SAMTOR: variants seen among roughly 807,000 people sequenced by gnomAD.
SAMTOR encodes UPF0532 protein C7orf60.
At chr7:112,900,926 T>A in the SAMTOR span, among the ~76,000 whole-genome samples, 39 of 152,238 alleles carry the variant, frequency 2.6e-4, no homozygotes, top group African/African-American at 8.7e-4. Context: ...AATGCAAAAC[T>A]ATAAACTGTC....
the SAMTOR span, among the ~76,000 whole-genome samples, chr7:112,898,619 A>G: frequency 7.9e-5 from 12 of 152,054 alleles, no homozygotes; most frequent in Non-Finnish European, 1.3e-4. Context: ...CCTGCTGACT[A>G]AAGTGGCCTT....
the SAMTOR span, among the ~76,000 whole-genome samples, chr7:112,865,824 A>G: frequency 2.1e-5 from 3 of 146,334 alleles, no homozygotes; most frequent in South Asian, 2.1e-4. Context: ...TCATATATAT[A>G]TATTTATCTA....
At chr7:112,841,789 C>T in the SAMTOR span, among the ~76,000 whole-genome samples, 4 of 152,114 alleles carry the variant, frequency 2.6e-5, no homozygotes, top group African/African-American at 2.4e-5. Context: ...CTACAACCAT[C>T]TGATCTTTGA....
chr7:112,857,386 C>T, the SAMTOR span, among the ~76,000 whole-genome samples: 43 of 148,832 alleles, frequency 2.9e-4, no homozygotes, highest in South Asian at 6.0e-3. Context: ...CCACCGCGCC[C>T]GGCCATGTTC....
the SAMTOR span, among the ~76,000 whole-genome samples, chr7:112,915,753 C>T: frequency 5.3e-5 from 8 of 152,150 alleles, no homozygotes; most frequent in Admixed American, 1.3e-4. Flanking sequence ...ACAACATATA[C>T]GCAGATACTG....
At chr7:112,882,621 G>T in the SAMTOR span, among the ~76,000 whole-genome samples, 8 of 151,860 alleles carry the variant, frequency 5.3e-5, no homozygotes, top group Non-Finnish European at 7.4e-5. Flanking sequence ...TCAGGGAGTC[G>T]GAGGTTGCAG....
At chr7:112,880,847 C>A in the SAMTOR span, among the ~76,000 whole-genome samples, 153 of 152,276 alleles carry the variant, frequency 1.0e-3, no homozygotes, top group Non-Finnish European at 1.9e-3. Flanking sequence ...TTGATGGCAG[C>A]GGTAGCCTGT....
the SAMTOR span, among the ~76,000 whole-genome samples, chr7:112,876,122 G>C: frequency 0.011 from 1,619 of 152,110 alleles, 28 homozygotes; most frequent in African/African-American, 0.037. Flanking sequence ...CACCATGCTT[G>C]GCTATTTTTT....
chr7:112,874,623 T>C, the SAMTOR span, among the ~76,000 whole-genome samples: 1 of 152,114 alleles, frequency 6.6e-6, no homozygotes, highest in Non-Finnish European at 1.5e-5. Flanking sequence ...AAGTACCCCT[T>C]GAATCTAAAA....
the SAMTOR span, among the ~76,000 whole-genome samples, chr7:112,913,914 A>C: frequency 2.0e-5 from 3 of 152,122 alleles, no homozygotes; most frequent in Non-Finnish European, 4.4e-5. Flanking sequence ...CACTGTCTGC[A>C]CTAGTGTAAA....
the SAMTOR span, among the ~76,000 whole-genome samples, chr7:112,885,318 T>C: frequency 5.9e-5 from 9 of 152,226 alleles, no homozygotes; most frequent in Admixed American, 3.3e-4. Context: ...TCGTTACCTA[T>C]GCAAATTTCT....
chr7:112,902,416 C>CAAACAAA, the SAMTOR span, among the ~76,000 whole-genome samples: 1 of 12,322 alleles, frequency 8.1e-5, no homozygotes, highest in East Asian at 4.1e-3. Context: ...AACTCCGTCT[C>CAAACAAA]AAAAAAAAAA....
the SAMTOR span, among the ~76,000 whole-genome samples, chr7:112,823,286 A>G: frequency 6.6e-6 from 1 of 152,146 alleles, no homozygotes; most frequent in Non-Finnish European, 1.5e-5. Context: ...CAAAAAGCAT[A>G]AGTCTGATAA....
chr7:112,871,236 A>T, the SAMTOR span, among the ~76,000 whole-genome samples: 1 of 152,218 alleles, frequency 6.6e-6, no homozygotes, highest in Non-Finnish European at 1.5e-5. Context: ...ATCTACACAC[A>T]GAACGTAGTC....
chr7:112,842,429 C>G, the SAMTOR span, among the ~76,000 whole-genome samples: 1 of 151,956 alleles, frequency 6.6e-6, no homozygotes, highest in African/African-American at 2.4e-5. Context: ...CCAATGCTCT[C>G]AGCTCAACAG....
At chr7:112,868,314 A>G in the SAMTOR span, among the ~76,000 whole-genome samples, 43 of 152,358 alleles carry the variant, frequency 2.8e-4, 1 homozygote, top group South Asian at 8.5e-3. Context: ...CTTTAATTCA[A>G]GAAGGAAAAT....
the SAMTOR span, among the ~76,000 whole-genome samples, chr7:112,884,823 T>A: frequency 6.6e-6 from 1 of 152,222 alleles, no homozygotes; most frequent in Non-Finnish European, 1.5e-5. Context: ...TGCTAGGCAG[T>A]GCCCCAGTAG....
At chr7:112,869,440 G>C in the SAMTOR span, among the ~76,000 whole-genome samples, 2 of 151,766 alleles carry the variant, frequency 1.3e-5, no homozygotes. Context: ...AGCAACATCC[G>C]AGAAAGCCAC....
the SAMTOR span, among the ~76,000 whole-genome samples, chr7:112,866,407 T>C: frequency 1.3e-5 from 2 of 152,182 alleles, no homozygotes; most frequent in Non-Finnish European, 2.9e-5. Flanking sequence ...ATTATAAAAC[T>C]TGGAATAGGG....
Sources: allele counts gnomAD v4.1 joint callset (sites outside exome capture counted in the v4.1 genomes callset), GRCh38; gene constraint gnomAD v4.1.1; transcripts MANE v1.5; gene names NCBI Gene and HGNC (gene_info 2026-07-23, HGNC 2026-07-21).